The following LPIN2 variants were observed in gnomAD, a reference collection of about 807,000 sequenced individuals.
LPIN2 encodes phosphatidate phosphatase LPIN2.
Under a neutral mutation model 111.4 loss-of-function variants are expected in LPIN2, and 55 were observed. That is an observed-to-expected ratio of 0.49 (90% confidence interval 0.40 to 0.62). The LOEUF (loss-of-function observed/expected upper bound fraction) is 0.62. Among genes scored for constraint, LPIN2 ranks in the 20% least tolerant of loss-of-function variants. The pLI, the probability that LPIN2 is intolerant of heterozygous loss-of-function variation, is 0.00. For synonymous variants in LPIN2, 425 were observed against 414.0 expected (o/e 1.03, Z -0.32); for missense variants, 992 against 1,112.1 (o/e 0.89, Z 1.54).
chr18:2,999,003 A>G (rs2078387845), intron 1 of LPIN2, among the ~76,000 whole-genome samples: 1 of 152,232 alleles, frequency 6.6e-6, no homozygotes, highest in Admixed American at 6.5e-5. Context: ...TCTAAAAATT[A>G]CTTCCTAAGA....
Position 2,919,964 on chromosome 18 carries a change from CT to C in LPIN2, c.*328del, listed in dbSNP as rs932705838. Reference sequence around the variant, plus strand: ...ACTGTGTGCAGTGTTTTGGTCCACTCTTTTTTAGCTGCTTTTTTCTTCCTTT... The same window carrying C: ...ACTGTGTGCAGTGTTTTGGTCCACTCTTTTTAGCTGCTTTTTTCTTCCTTT... On this transcript the variant is annotated 3_prime_UTR_variant, in exon 20 of 20. Coordinates refer to ENST00000677752, the MANE Select transcript of LPIN2 (RefSeq NM_001375808.2). 2 of 409,046 alleles carry C rather than the reference CT, an allele frequency of 4.9e-6. No individual in the cohort carries two copies. Among genetic ancestry groups the C allele is most frequent in the South Asian group, 2.2e-5 (1 of 46,360 alleles). 25.3% of individuals were successfully genotyped at this position (409,046 alleles called of 1,614,324 possible). A position where few individuals can be genotyped will look rare whatever the true frequency, so the allele number is the denominator to read the frequency against.
At chr18:2,926,883 G>A in intron 12 of LPIN2, 78 bp from the exon 13 acceptor site, 2 of 1,111,882 alleles carry the variant, frequency 1.8e-6, no homozygotes, top group South Asian at 2.6e-5. Flanking sequence ...GCCCTCTCTA[G>A]GAAAGAACAC....
intron 1 of LPIN2, among the ~76,000 whole-genome samples, chr18:2,965,967 A>T (rs1450042282): frequency 1.3e-5 from 2 of 152,094 alleles, no homozygotes; most frequent in Non-Finnish European, 2.9e-5. Flanking sequence ...ACAGGGTTTC[A>T]CTGTGTTGCC....
intron 16 of LPIN2, among the ~76,000 whole-genome samples, chr18:2,922,909 A>T (rs1321217458): frequency 6.6e-6 from 1 of 152,202 alleles, no homozygotes; most frequent in Non-Finnish European, 1.5e-5. Context: ...CAAGAAGCAA[A>T]ATTATACCCA....
intron 2 of LPIN2, among the ~76,000 whole-genome samples, chr18:2,955,787 C>T (rs930506528): frequency 6.6e-6 from 1 of 152,038 alleles, no homozygotes; most frequent in Non-Finnish European, 1.5e-5. Flanking sequence ...TGGTGGCGCC[C>T]GCCTGTAATC....
At chr18:2,928,387 G>A (rs1305775337) in intron 11 of LPIN2, among the ~76,000 whole-genome samples, 1 of 152,124 alleles carries the variant, frequency 6.6e-6, no homozygotes, top group African/African-American at 2.4e-5. Flanking sequence ...ATGAAATAAA[G>A]AAGTGGCAGC....
Position 2,993,482 on chromosome 18 carries a change from A to G in LPIN2, c.-10+19605T>C, listed in dbSNP as rs553196665. 1.6e-4 allele frequency among the ~76,000 whole-genome samples: 25 copies of G among 152,366 alleles called. No individual in the cohort carries two copies. In the South Asian group the frequency reaches 5.2e-3, roughly 32 times the overall value. Reference sequence around the variant, plus strand: ...TAATTTCTATGTATCCTTCTAGGTAAAACAATCTGACATTTCGAAAACTAT... The same window carrying G: ...TAATTTCTATGTATCCTTCTAGGTAGAACAATCTGACATTTCGAAAACTAT... On this transcript the variant is annotated intron_variant, in intron 1 of 19. Transcript: ENST00000677752.
rs150254215 is a variant in LPIN2, at chr18:3,007,695, T to C, written c.-10+5392A>G. ...TTGTTTTACAAACACCACAAGTTTA[T>C]AGACTCAACTGTGAGGAAAAATATC... On this transcript the variant is annotated intron_variant, in intron 1 of 19. Transcript: ENST00000677752. Among the ~76,000 whole-genome samples, 902 of 152,346 alleles carry C rather than the reference T, an allele frequency of 5.9e-3. 2 individuals carry two copies. The highest frequency in any genetic ancestry group is 0.013 in the Admixed American group (204 of 15,306).
At chr18:2,920,932 A>T in intron 18 of LPIN2, 51 bp from the exon 19 acceptor site, 1 of 1,244,190 alleles carries the variant, frequency 8.0e-7, no homozygotes, top group Non-Finnish European at 1.2e-6. Flanking sequence ...AATTCAGGAG[A>T]TACTTCTCAG....
rs1345737641 is a variant in LPIN2 at position 2,946,114 on chromosome 18, A to C, written c.590+4941T>G. The C allele has an allele frequency of 3.5e-5, 55 of 1,578,576 alleles. 2 individuals carry two copies. In the Admixed American group the frequency reaches 9.2e-4, roughly 26 times the overall value. On this transcript the variant is annotated intron_variant, in intron 4 of 19. Coordinates refer to ENST00000677752, the MANE Select transcript of LPIN2 (RefSeq NM_001375808.2). ...AATTTCATCATTGTCTTCTTTTCTT[A>C]TTTTCTTCATTCCCTGATGACAGTT...
intron 1 of LPIN2, among the ~76,000 whole-genome samples, chr18:3,006,522 C>G (rs1178746307): frequency 6.6e-6 from 1 of 152,068 alleles, no homozygotes; most frequent in Non-Finnish European, 1.5e-5. Context: ...GAAGCCTGGT[C>G]TCTACAAAAA....
intron 1 of LPIN2, among the ~76,000 whole-genome samples, chr18:2,995,400 C>T (rs2078326102): frequency 6.6e-6 from 1 of 152,232 alleles, no homozygotes; most frequent in Admixed American, 6.5e-5. Context: ...CCCCACTCTT[C>T]AGCCTATTTG....
intron 1 of LPIN2, among the ~76,000 whole-genome samples, chr18:3,004,913 C>T (rs2078489095): frequency 6.6e-6 from 1 of 152,166 alleles, no homozygotes. Flanking sequence ...ATGGTAGGGC[C>T]ACATCACCTC....
At chr18:2,959,180 C>G (rs2077669750) in intron 2 of LPIN2, among the ~76,000 whole-genome samples, 1 of 152,152 alleles carries the variant, frequency 6.6e-6, no homozygotes, top group African/African-American at 2.4e-5. Flanking sequence ...AAGGGTGACT[C>G]TGAACAGAGG....
At chr18:2,986,626 G>A (rs1249846215) in intron 1 of LPIN2, among the ~76,000 whole-genome samples, 1 of 150,768 alleles carries the variant, frequency 6.6e-6, no homozygotes, top group African/African-American at 2.4e-5. Flanking sequence ...CACATTTACT[G>A]TAAGAATTAG....
intron 1 of LPIN2, among the ~76,000 whole-genome samples, chr18:2,996,003 G>C (rs1192288848): frequency 6.6e-6 from 1 of 152,172 alleles, no homozygotes; most frequent in Non-Finnish European, 1.5e-5. Context: ...CAAAACTGAA[G>C]AATTAGAGGT....
At chr18:2,933,606 AC>A (rs1174439142) in intron 8 of LPIN2, among the ~76,000 whole-genome samples, 1 of 152,370 alleles carries the variant, frequency 6.6e-6, no homozygotes, top group East Asian at 1.9e-4. Context: ...CAAATAAAAA[AC>A]AAAATATACT....
intron 2 of LPIN2, among the ~76,000 whole-genome samples, chr18:2,958,161 C>CAAAAAAA (rs1017981496): frequency 2.2e-5 from 1 of 44,712 alleles, no homozygotes; most frequent in Non-Finnish European, 4.3e-5. Context: ...AAAAAAACAA[C>CAAAAAAA]AAAAAAAAAA....
intron 1 of LPIN2, among the ~76,000 whole-genome samples, chr18:2,964,450 T>A (rs1598576170): frequency 6.6e-6 from 1 of 151,854 alleles, no homozygotes; most frequent in Non-Finnish European, 1.5e-5. Flanking sequence ...TTAGATGAGG[T>A]CACATGGGTG....
Sources: gnomAD v4.1 joint callset for allele counts (sites outside exome capture counted in the v4.1 genomes callset) on GRCh38, gnomAD v4.1.1 for gene constraint, MANE v1.5 for transcripts, NCBI Gene and HGNC (gene_info 2026-07-23, HGNC 2026-07-21) for gene names.